Variants in ITGA1 observed in about 807,000 individuals in gnomAD.
ITGA1 encodes integrin subunit alpha 1, also known as integrin alpha-1.
A neutral mutation model predicts 145.9 loss-of-function variants in ITGA1; 85 were observed. The ratio of observed to expected loss-of-function variants is 0.58; its 90% CI spans 0.49 to 0.70. The LOEUF is 0.70. Among genes scored for constraint, ITGA1 ranks in the 30% least tolerant of loss-of-function variants. ITGA1 has a pLI of 0.00. For synonymous variants in ITGA1, 520 were observed against 495.3 expected (o/e 1.05, Z -0.66); for missense variants, 1,351 against 1,418.7 (o/e 0.95, Z 0.77).
At chr5:52,850,553 A>G (rs541472224) in intron 2 of ITGA1, among the ~76,000 whole-genome samples, 32 of 152,192 alleles carry the variant, frequency 2.1e-4, no homozygotes, top group South Asian at 2.1e-4. Context: ...ATGAATCACT[A>G]TAATTATTTC....
chr5:52,942,973 A>G (rs1035346743), intron 26 of ITGA1, among the ~76,000 whole-genome samples: 2 of 152,142 alleles, frequency 1.3e-5, no homozygotes, highest in African/African-American at 4.8e-5. Context: ...GTTTTTTGGC[A>G]GAGTCTTAAG....
At chr5:52,878,459 A>T (rs1222367816) in intron 6 of ITGA1, among the ~76,000 whole-genome samples, 1 of 152,198 alleles carries the variant, frequency 6.6e-6, no homozygotes, top group African/African-American at 2.4e-5. Context: ...TTTTCCGGAC[A>T]ATCCAATGGT....
chr5:52,800,735 A>G (rs1748458075), intron 1 of ITGA1: 2 of 1,614,260 alleles, frequency 1.2e-6, no homozygotes, highest in Non-Finnish European at 1.7e-6. Flanking sequence ...ACCCTGGCCA[A>G]GAAGCAGTGG....
chr5:52,840,365 T>C (rs1051590798), intron 1 of ITGA1, among the ~76,000 whole-genome samples: 4 of 152,186 alleles, frequency 2.6e-5, no homozygotes, highest in African/African-American at 9.7e-5. Context: ...AATTAATGAG[T>C]TCAGCGTTCA....
chr5:52,813,429 A>G (rs1170017486), intron 1 of ITGA1, among the ~76,000 whole-genome samples: 1 of 152,204 alleles, frequency 6.6e-6, no homozygotes, highest in African/African-American at 2.4e-5. Context: ...TTATCTTACT[A>G]TTTCTCAGTT....
rs1310144041 is a variant in ITGA1, at chr5:52,882,038, ATAAAC to A, written c.773+22_773+26del. 4 of 1,545,024 alleles carry A rather than the reference ATAAAC, an allele frequency of 2.6e-6. No homozygotes were observed. The African/African-American group carries it at 4.1e-5, about 16-fold the overall frequency. On this transcript the variant is annotated intron_variant, in intron 7 of 28. Coordinates refer to ENST00000282588, the MANE Select transcript of ITGA1 (RefSeq NM_181501.2). ...CACAGCAAGGTATATGGATAAAAAA[ATAAAC>A]TAAAGTAAAAGACTGCAAAAATAAC...
intron 1 of ITGA1, among the ~76,000 whole-genome samples, chr5:52,831,538 G>A (rs201354340): frequency 6.0e-5 from 9 of 149,816 alleles, no homozygotes; most frequent in Non-Finnish European, 7.4e-5. Context: ...AAAGAGAAAA[G>A]AAAAAAAAAC....
At chr5:52,868,087 T>C (rs1258785577) in intron 6 of ITGA1, among the ~76,000 whole-genome samples, 1 of 152,186 alleles carries the variant, frequency 6.6e-6, no homozygotes, top group South Asian at 2.1e-4. Context: ...ATGATGTGCT[T>C]TCTTTCCTTC....
At chr5:52,928,771 A>C (rs990296872) in intron 20 of ITGA1, among the ~76,000 whole-genome samples, 1 of 152,234 alleles carries the variant, frequency 6.6e-6, no homozygotes, top group African/African-American at 2.4e-5. Flanking sequence ...GACTTTATAG[A>C]GAGAAAAGGG....
chr5:52,879,860 T>A (rs1749927745), intron 6 of ITGA1, among the ~76,000 whole-genome samples: 1 of 152,238 alleles, frequency 6.6e-6, no homozygotes, highest in African/African-American at 2.4e-5. Context: ...ATTCAGCTGA[T>A]GATGTAACCT....
chr5:52,897,071 G>C (rs762691451), intron 9 of ITGA1, among the ~76,000 whole-genome samples: 5 of 151,956 alleles, frequency 3.3e-5, no homozygotes, highest in Non-Finnish European at 7.4e-5. Flanking sequence ...TTAGCCTAAG[G>C]GCTCAGCAGG....
chr5:52,888,809 G>A (rs992950235), intron 8 of ITGA1, among the ~76,000 whole-genome samples: 2 of 152,206 alleles, frequency 1.3e-5, no homozygotes, highest in African/African-American at 2.4e-5. Context: ...AGGTGAGGGA[G>A]CTGAGAAAGA....
intron 11 of ITGA1, 143 bp from the exon 12 acceptor site, chr5:52,905,620 C>A: frequency 1.6e-6 from 1 of 615,442 alleles, no homozygotes; most frequent in Admixed American, 3.5e-5. Context: ...AAAACAAATT[C>A]TTACGTGCAT....
chr5:52,864,741 TA>T, intron 3 of ITGA1, 21 bp from the exon 4 acceptor site: 1 of 1,483,454 alleles, frequency 6.7e-7, no homozygotes, highest in East Asian at 2.3e-5. Context: ...TCCTCCCTCA[TA>T]AAATTTTGTT....
At chr5:52,875,422 C>A (rs1383288550) in intron 6 of ITGA1, among the ~76,000 whole-genome samples, 1 of 151,984 alleles carries the variant, frequency 6.6e-6, no homozygotes, top group Non-Finnish European at 1.5e-5. Context: ...CAATTGTGTA[C>A]CTGATGTATG....
intron 28 of ITGA1, among the ~76,000 whole-genome samples, chr5:52,950,528 A>G (rs1310128425): frequency 6.6e-6 from 1 of 152,198 alleles, no homozygotes; most frequent in African/African-American, 2.4e-5. Flanking sequence ...GAAGGAAAAA[A>G]TGAAAGCCAG....
intron 14 of ITGA1, among the ~76,000 whole-genome samples, chr5:52,913,001 C>T (rs1254392917): frequency 6.6e-6 from 1 of 152,078 alleles, no homozygotes; most frequent in Non-Finnish European, 1.5e-5. Context: ...CCACCTCGGC[C>T]TCCCAAAGTG....
intron 6 of ITGA1, among the ~76,000 whole-genome samples, chr5:52,873,795 C>A (rs1478259157): frequency 6.6e-6 from 1 of 152,146 alleles, no homozygotes; most frequent in African/African-American, 2.4e-5. Context: ...CACAAAAACA[C>A]CTCATTGTTT....
At chr5:52,922,741 T>G in intron 17 of ITGA1, 36 bp from the exon 18 acceptor site, 1 of 1,307,364 alleles carries the variant, frequency 7.6e-7, no homozygotes, top group Non-Finnish European at 1.1e-6. Flanking sequence ...CCGGTAAATA[T>G]GATACCAGTG....
Sources: gnomAD v4.1 joint callset for allele counts (sites outside exome capture counted in the v4.1 genomes callset) on GRCh38, gnomAD v4.1.1 for gene constraint, MANE v1.5 for transcripts, NCBI Gene and HGNC (gene_info 2026-07-23, HGNC 2026-07-21) for gene names.